The following LRFN5 variants were observed in gnomAD, a reference collection of about 807,000 sequenced individuals.
The protein encoded by LRFN5 is leucine rich repeat and fibronectin type III domain containing 5.
Under a neutral mutation model 45.6 loss-of-function variants are expected in LRFN5, and 24 were observed. The observed-to-expected ratio is 0.53, with a 90% CI of 0.38 to 0.74. The LOEUF is 0.74. LRFN5 is among the 30% of genes least tolerant of loss of function. The pLI is 0.00. For synonymous variants in LRFN5, 340 were observed against 313.8 expected (o/e 1.08, Z -0.88); for missense variants, 776 against 861.5 (o/e 0.90, Z 1.24).
At chr14:41,752,697 T>G (rs1885189569) in intron 1 of LRFN5, among the ~76,000 whole-genome samples, 1 of 152,218 alleles carries the variant, frequency 6.6e-6, no homozygotes, top group Admixed American at 6.5e-5. Flanking sequence ...TGCAAAAATT[T>G]TCTGCCATTC....
intron 2 of LRFN5, among the ~76,000 whole-genome samples, chr14:41,793,256 G>A (rs1290861721): frequency 6.6e-6 from 1 of 151,946 alleles, no homozygotes; most frequent in East Asian, 1.9e-4. Context: ...TCCGTTCGGG[G>A]TCCCTGACTT....
intron 1 of LRFN5, among the ~76,000 whole-genome samples, chr14:41,740,051 A>T (rs1884624666): frequency 6.6e-6 from 1 of 152,112 alleles, no homozygotes; most frequent in African/African-American, 2.4e-5. Context: ...AATCAACAAT[A>T]AAAAACTTTC....
intron 2 of LRFN5, among the ~76,000 whole-genome samples, chr14:41,804,690 A>G (rs985609174): frequency 2.0e-5 from 3 of 152,196 alleles, no homozygotes; most frequent in Non-Finnish European, 2.9e-5. Context: ...TTAGAGGTTA[A>G]AGGCAAGATG....
intron 1 of LRFN5, among the ~76,000 whole-genome samples, chr14:41,686,072 A>T (rs559713455): frequency 1.1e-4 from 17 of 152,256 alleles, no homozygotes; most frequent in African/African-American, 4.1e-4. Context: ...GGCCATTTTC[A>T]TGACATTGAT....
intron 2 of LRFN5, among the ~76,000 whole-genome samples, chr14:41,785,495 A>G (rs1363516720): frequency 1.3e-5 from 2 of 152,048 alleles, no homozygotes; most frequent in Non-Finnish European, 2.9e-5. Context: ...CTTCCTTTAA[A>G]TGATACTATA....
intron 2 of LRFN5, among the ~76,000 whole-genome samples, chr14:41,856,482 G>A (rs1201391277): frequency 1.3e-5 from 2 of 151,780 alleles, no homozygotes; most frequent in Non-Finnish European, 2.9e-5. Flanking sequence ...TTAAAGCCCT[G>A]GTGGAGGCAG....
At chr14:41,632,386 C>A (rs980515180) in intron 1 of LRFN5, among the ~76,000 whole-genome samples, 2 of 152,006 alleles carry the variant, frequency 1.3e-5, no homozygotes, top group Non-Finnish European at 2.9e-5. Context: ...GGTGGATCAC[C>A]CCAGGTTAGG....
In LRFN5 at chr14:41,721,837, A is replaced by C. The variant is rs534867734; in HGVS notation, c.-196-45017A>C. ...GTTAGCCATGGACAGTCTGGGGACT[A>C]TGTGTCTTGGTGATGTATATTTTGT... is the stretch of plus-strand genomic sequence containing the variant. On this transcript the variant is annotated intron_variant, in intron 1 of 5. Transcript: ENST00000298119. 2.6e-5 allele frequency among the ~76,000 whole-genome samples: 4 copies of C among 152,144 alleles called. 1 individual carries two copies. Among genetic ancestry groups the C allele is most frequent in the African/African-American group, 9.6e-5 (4 of 41,524 alleles).
chr14:41,775,975 A>G (rs373117450), intron 2 of LRFN5, among the ~76,000 whole-genome samples: 20 of 152,260 alleles, frequency 1.3e-4, no homozygotes, highest in African/African-American at 4.3e-4. Flanking sequence ...TATGGCCTTC[A>G]TGGATTTTCT....
chr14:41,804,140 C>T (rs1216605978), intron 2 of LRFN5, among the ~76,000 whole-genome samples: 3 of 152,044 alleles, frequency 2.0e-5, no homozygotes, highest in East Asian at 1.9e-4. Context: ...GGGTTGCAGT[C>T]GTGAGCCACC....
chr14:41,651,839 G>A (rs1216900074), intron 1 of LRFN5, among the ~76,000 whole-genome samples: 1 of 152,168 alleles, frequency 6.6e-6, no homozygotes, highest in Non-Finnish European at 1.5e-5. Context: ...GAGACTAGAA[G>A]TACAAGAACA....
chr14:41,625,647 C>T (rs762413515), intron 1 of LRFN5, among the ~76,000 whole-genome samples: 1 of 152,020 alleles, frequency 6.6e-6, no homozygotes, highest in Non-Finnish European at 1.5e-5. Flanking sequence ...TGCTGTGTGT[C>T]CATAGCAAAT....
At chr14:41,707,714 C>A (rs1275778546) in intron 1 of LRFN5, among the ~76,000 whole-genome samples, 1 of 152,116 alleles carries the variant, frequency 6.6e-6, no homozygotes, top group African/African-American at 2.4e-5. Flanking sequence ...TTGACGAATG[C>A]AACCCCCTGC....
At chr14:41,850,579 A>G (rs1889230981) in intron 2 of LRFN5, among the ~76,000 whole-genome samples, 1 of 151,974 alleles carries the variant, frequency 6.6e-6, no homozygotes, top group Non-Finnish European at 1.5e-5. Flanking sequence ...GAGAACAAAA[A>G]GAGATAAAAA....
chr14:41,787,588 A>G (rs1886772073), intron 2 of LRFN5, among the ~76,000 whole-genome samples: 1 of 151,060 alleles, frequency 6.6e-6, no homozygotes. Context: ...AGAAATCTCT[A>G]TTTTTCCTGA....
chr14:41,779,243 G>T (rs1227443197), intron 2 of LRFN5, among the ~76,000 whole-genome samples: 2 of 151,774 alleles, frequency 1.3e-5, no homozygotes, highest in African/African-American at 4.8e-5. Context: ...TTCTAAATCA[G>T]TTGATATGAC....
intron 1 of LRFN5, among the ~76,000 whole-genome samples, chr14:41,745,842 A>C (rs768871903): frequency 9.9e-5 from 15 of 152,044 alleles, no homozygotes; most frequent in Non-Finnish European, 2.1e-4. Flanking sequence ...TCTGAATAGC[A>C]CTGTAACTAG....
Position 41,891,922 on chromosome 14 carries a change from C to A in LRFN5, c.2058C>A (p.Val686=). 1 of 1,614,024 alleles carries A rather than the reference C, an allele frequency of 6.2e-7. No homozygotes were observed. Among genetic ancestry groups the A allele is most frequent in the Non-Finnish European group, 8.5e-7 (1 of 1,180,024 alleles). The change falls in exon 4 of 6, where the codon GTC becomes GTA. Residue 686 remains valine, a synonymous_variant. Transcript: ENST00000298119. ...LQLASRPPDS[V]TEGPTSKRAH... is the part of the protein sequence containing the mutation. Reference sequence around the variant, plus strand: ...TAGCTAGCCGTCCTCCCGATTCTGTCACAGAGGGGCCCACGTCTAAAAGAG... The same window carrying A: ...TAGCTAGCCGTCCTCCCGATTCTGTAACAGAGGGGCCCACGTCTAAAAGAG...
chr14:41,668,127 T>C (rs1254511433), intron 1 of LRFN5, among the ~76,000 whole-genome samples: 1 of 152,136 alleles, frequency 6.6e-6, no homozygotes, highest in Non-Finnish European at 1.5e-5. Flanking sequence ...GGGAGGTGCT[T>C]AGAATAGCAT....
Sources: allele counts gnomAD v4.1 joint callset (sites outside exome capture counted in the v4.1 genomes callset), GRCh38; gene constraint gnomAD v4.1.1; transcripts MANE v1.5; gene names NCBI Gene and HGNC (gene_info 2026-07-23, HGNC 2026-07-21).